Variants in TMEM128 observed in about 807,000 individuals in gnomAD.
The protein encoded by TMEM128 is transmembrane protein 128.
TMEM128 carries 16 observed loss-of-function variants against 19.7 expected under a neutral mutation model. The ratio of observed to expected loss-of-function variants is 0.81; its 90% CI spans 0.55 to 1.23. The LOEUF is 1.23. Ranked by LOEUF, TMEM128 falls within the 50% of genes most tolerant of loss-of-function variation. TMEM128 has a pLI of 0.00. For synonymous variants in TMEM128, 98 were observed against 75.8 expected, an observed-to-expected ratio of 1.29 and a Z score of -1.52; for missense variants, 237 against 200.8, an observed-to-expected ratio of 1.18 and a Z score of -1.09.
chr4:4,236,990 C>A, intron 4 of TMEM128: 1 of 438,276 alleles, frequency 2.3e-6, no homozygotes, highest in Non-Finnish European at 4.5e-6. Flanking sequence ...TGAGTATTCT[C>A]AATATACACT....
intron 2 of TMEM128, among the ~76,000 whole-genome samples, chr4:4,240,986 A>T (rs1254539663): frequency 1.3e-5 from 2 of 152,236 alleles, no homozygotes; most frequent in Admixed American, 1.3e-4. Context: ...ATGAGGCAGG[A>T]GAATCGCCTG....
intron 3 of TMEM128, among the ~76,000 whole-genome samples, chr4:4,238,865 T>C (rs1717830569): frequency 6.6e-6 from 1 of 152,096 alleles, no homozygotes; most frequent in Non-Finnish European, 1.5e-5. Context: ...AAACCCCATC[T>C]CTACAAAAAA....
rs148640253 is a variant in TMEM128 at position 4,242,506 on chromosome 4, G to C, written c.240-2027C>G. Among the ~76,000 whole-genome samples, 305 of 146,244 alleles carry C rather than the reference G, an allele frequency of 2.1e-3. 1 individual carries two copies. The highest frequency in any genetic ancestry group is 7.1e-3 in the African/African-American group (288 of 40,660). On this transcript the variant is annotated intron_variant, in intron 2 of 4. Transcript: ENST00000382753. ...CATTTTTTTCCTTTGCCAACATGTG[G>C]ATATGAGAAAAAAAAAATTTTTTTT...
chr4:4,236,133 T>G lies in TMEM128; in HGVS notation c.*133A>C, dbSNP rs1299527709. On this transcript the variant is annotated 3_prime_UTR_variant, in exon 5 of 5. Transcript: ENST00000382753. ...GGATGTTTAACCATTCACTTCAAAT[T>G]TACATGTCCAGCCAGGCACGGTGGC... The G allele has an allele frequency of 6.6e-6, 1 of 152,078 alleles. No homozygotes were observed. Among genetic ancestry groups the G allele is most frequent in the Non-Finnish European group, 1.5e-5 (1 of 68,028 alleles). 9.4% of individuals were successfully genotyped at this position (152,078 alleles called of 1,614,324 possible).
At chr4:4,239,382 T>G (rs1717852992) in intron 3 of TMEM128, among the ~76,000 whole-genome samples, 1 of 150,726 alleles carries the variant, frequency 6.6e-6, no homozygotes. Context: ...ATGAGACACA[T>G]CTATATGTAC....
At chr4:4,240,638 T>C (rs1455196587) in intron 2 of TMEM128, among the ~76,000 whole-genome samples, 159 bp from the exon 3 acceptor site, 1 of 152,202 alleles carries the variant, frequency 6.6e-6, no homozygotes, top group East Asian at 1.9e-4. Context: ...AGTCTCAATC[T>C]ATGGGAGATG....
At chr4:4,246,022 T>G (rs1233644910) in intron 2 of TMEM128, among the ~76,000 whole-genome samples, 180 bp downstream of exon 2, 2 of 152,198 alleles carry the variant, frequency 1.3e-5, no homozygotes, top group Non-Finnish European at 2.9e-5. Context: ...TTATTCATCT[T>G]ATAACTAAAA....
chr4:4,245,386 AAC>A (rs929722713), intron 2 of TMEM128, among the ~76,000 whole-genome samples: 5 of 152,096 alleles, frequency 3.3e-5, no homozygotes, highest in Admixed American at 2.0e-4. Flanking sequence ...CCTCCACTCT[AAC>A]ACAGTTACAC....
rs1718275764 is a variant in TMEM128 at position 4,248,102 on chromosome 4, T to C, written c.97+4A>G. ...ACCTCGGGGCGGCTTGGTGCGCGCC[T>C]CACCCGGCCCGGCGTCACCCTCGCG... On this transcript the variant is annotated splice_donor_region_variant and intron_variant, in intron 1 of 4. Transcript: ENST00000382753. 1 of 1,535,314 alleles carries C rather than the reference T, an allele frequency of 6.5e-7. No individual in the cohort carries two copies. Among genetic ancestry groups the C allele is most frequent in the Non-Finnish European group, 8.7e-7 (1 of 1,144,028 alleles).
intron 1 of TMEM128, chr4:4,247,676 G>A (rs746067356): frequency 4.3e-6 from 7 of 1,613,738 alleles, no homozygotes; most frequent in East Asian, 4.5e-5. Context: ...TGGTACATAC[G>A]AGTCGACCTG....
chr4:4,247,689 G>GCC, intron 1 of TMEM128: 1 of 1,612,746 alleles, frequency 6.2e-7, no homozygotes, highest in South Asian at 1.1e-5. Context: ...TCGACCTGAT[G>GCC]TGTCAGGTAT....
intron 1 of TMEM128, among the ~76,000 whole-genome samples, chr4:4,246,643 C>T (rs1430752845): frequency 2.0e-5 from 3 of 152,190 alleles, no homozygotes; most frequent in Non-Finnish European, 2.9e-5. Context: ...TATTATGTTT[C>T]ACATTTCTTC....
intron 1 of TMEM128, 82 bp downstream of exon 1, chr4:4,248,024 A>G: frequency 6.6e-7 from 1 of 1,509,406 alleles, no homozygotes. Flanking sequence ...GTCCTTCCAG[A>G]CTGGGCCAGG....
intron 1 of TMEM128, among the ~76,000 whole-genome samples, chr4:4,247,207 GA>G (rs1718216761): frequency 6.6e-6 from 1 of 152,198 alleles, no homozygotes; most frequent in African/African-American, 2.4e-5. Flanking sequence ...AGAATGGGTG[GA>G]TGGGGGTTGG....
At chr4:4,245,955 C>T (rs867076588) in intron 2 of TMEM128, among the ~76,000 whole-genome samples, 5 of 152,124 alleles carry the variant, frequency 3.3e-5, no homozygotes, top group African/African-American at 9.7e-5. Flanking sequence ...TTCAAGTATA[C>T]AATACAGCCT....
intron 2 of TMEM128, among the ~76,000 whole-genome samples, chr4:4,241,222 T>C (rs1717946661): frequency 6.6e-6 from 1 of 152,246 alleles, no homozygotes; most frequent in Non-Finnish European, 1.5e-5. Context: ...TGGACTTTCT[T>C]GGAATACTGA....
intron 1 of TMEM128, chr4:4,247,469 AT>A (rs1308331629): frequency 1.2e-4 from 146 of 1,242,944 alleles, no homozygotes; most frequent in Non-Finnish European, 3.2e-5. Context: ...GAGATAAAAA[AT>A]ATCCAAAATG....
chr4:4,243,644 C>CT (rs1371083614), intron 2 of TMEM128, among the ~76,000 whole-genome samples: 2 of 152,176 alleles, frequency 1.3e-5, no homozygotes, highest in Non-Finnish European at 2.9e-5. Context: ...ACTCAAAATC[C>CT]TCAGCCTTTG....
chr4:4,247,841 C>T, intron 1 of TMEM128: 1 of 1,432,972 alleles, frequency 7.0e-7, no homozygotes, highest in Non-Finnish European at 9.1e-7. Context: ...TCTGGTAAAT[C>T]CTTAAGACTT....
Sources: gnomAD v4.1 joint callset for allele counts (sites outside exome capture counted in the v4.1 genomes callset) on GRCh38, gnomAD v4.1.1 for gene constraint, MANE v1.5 for transcripts, NCBI Gene and HGNC (gene_info 2026-07-23, HGNC 2026-07-21) for gene names.